THSD7B: variants seen among roughly 807,000 people sequenced by gnomAD.
THSD7B encodes the protein thrombospondin type 1 domain containing 7B.
In THSD7B, 138 loss-of-function variants were observed where a neutral mutation model predicts 213.6. The ratio of observed to expected loss-of-function variants is 0.65; its 90% CI spans 0.56 to 0.74. The LOEUF is 0.74. Ranked by LOEUF, THSD7B falls within the 30% of genes least tolerant of loss-of-function variation. The pLI is 0.00. For synonymous variants in THSD7B, 742 were observed against 687.0 expected (o/e 1.08, Z -1.25); for missense variants, 1,931 against 1,991.5 (o/e 0.97, Z 0.58).
chr2:137,096,276 GA>G (rs544965578), intron 4 of THSD7B, among the ~76,000 whole-genome samples: 1 of 152,034 alleles, frequency 6.6e-6, no homozygotes, highest in Non-Finnish European at 1.5e-5. Flanking sequence ...AATAAAGTAA[GA>G]AAAAAATAGT....
intron 1 of THSD7B, among the ~76,000 whole-genome samples, chr2:136,873,650 G>C (rs1453949716): frequency 6.6e-6 from 1 of 152,170 alleles, no homozygotes; most frequent in African/African-American, 2.4e-5. Flanking sequence ...CATTCAAACT[G>C]TTCCTTAAAT....
intron 3 of THSD7B, among the ~76,000 whole-genome samples, chr2:137,074,450 C>T (rs1442635149): frequency 6.6e-6 from 1 of 152,136 alleles, no homozygotes; most frequent in East Asian, 1.9e-4. Context: ...AGATCTTCCT[C>T]CATCCCTTTA....
intron 5 of THSD7B, among the ~76,000 whole-genome samples, chr2:137,155,493 A>G (rs1679894572): frequency 6.6e-6 from 1 of 152,196 alleles, no homozygotes; most frequent in African/African-American, 2.4e-5. Flanking sequence ...CTTACTACAA[A>G]CATCGTGGCT....
intron 16 of THSD7B, among the ~76,000 whole-genome samples, chr2:137,563,755 A>G (rs1317134894): frequency 6.6e-6 from 1 of 152,212 alleles, no homozygotes; most frequent in African/African-American, 2.4e-5. Context: ...ATAATTAAAA[A>G]GGTTAATTTA....
At chr2:137,580,208 T>TA (rs1488421478) in intron 17 of THSD7B, among the ~76,000 whole-genome samples, 1 of 152,132 alleles carries the variant, frequency 6.6e-6, no homozygotes, top group Non-Finnish European at 1.5e-5. Flanking sequence ...CTAGATATGT[T>TA]AAAAAAATAT....
At chr2:137,587,197 A>G (rs1163787592) in intron 17 of THSD7B, among the ~76,000 whole-genome samples, 1 of 152,092 alleles carries the variant, frequency 6.6e-6, no homozygotes, top group East Asian at 1.9e-4. Flanking sequence ...CAGGTCCTTT[A>G]AGGACTTCTC....
chr2:137,376,198 A>G (rs906964442), intron 12 of THSD7B, among the ~76,000 whole-genome samples: 5 of 152,224 alleles, frequency 3.3e-5, no homozygotes, highest in South Asian at 2.1e-4. Context: ...GAATGATTAT[A>G]TGACACAAAG....
At chr2:136,943,109 C>G (rs1447090963) in intron 2 of THSD7B, among the ~76,000 whole-genome samples, 1 of 151,906 alleles carries the variant, frequency 6.6e-6, no homozygotes, top group Non-Finnish European at 1.5e-5. Flanking sequence ...CTGAGATAAT[C>G]AGGCCTTTTC....
chr2:137,622,154 T>G (rs1232889034), intron 20 of THSD7B, among the ~76,000 whole-genome samples: 1 of 152,128 alleles, frequency 6.6e-6, no homozygotes, highest in African/African-American at 2.4e-5. Flanking sequence ...TAATCTCAGT[T>G]TTGCTGGGAA....
At chr2:136,966,039 C>A (rs912912848) in intron 2 of THSD7B, among the ~76,000 whole-genome samples, 2 of 152,114 alleles carry the variant, frequency 1.3e-5, no homozygotes, top group Non-Finnish European at 2.9e-5. Flanking sequence ...GATTAATCAA[C>A]TTCTGTCTCA....
At chr2:137,598,122 A>G (rs1681998484) in intron 17 of THSD7B, among the ~76,000 whole-genome samples, 1 of 151,934 alleles carries the variant, frequency 6.6e-6, no homozygotes, top group South Asian at 2.1e-4. Context: ...TCTCCATGCT[A>G]TGCACATATG....
At chr2:136,806,206 A>T (rs746974935) in intron 1 of THSD7B, among the ~76,000 whole-genome samples, 1 of 152,320 alleles carries the variant, frequency 6.6e-6, no homozygotes, top group Middle Eastern at 3.4e-3. Flanking sequence ...TTTTCAGCCC[A>T]TGACATTTTA....
At chr2:137,050,607 T>C (rs1261733254) in intron 2 of THSD7B, among the ~76,000 whole-genome samples, 4 of 152,240 alleles carry the variant, frequency 2.6e-5, no homozygotes, top group Non-Finnish European at 5.9e-5. Context: ...TATGGAATCA[T>C]GAACTACCTT....
chr2:137,370,988 A>G (rs373201365), intron 12 of THSD7B, among the ~76,000 whole-genome samples: 4 of 151,900 alleles, frequency 2.6e-5, no homozygotes, highest in African/African-American at 7.3e-5. Flanking sequence ...ATTATTTTCT[A>G]TATACTTTTT....
At chr2:137,468,222 A>G (rs3943484) in intron 15 of THSD7B, among the ~76,000 whole-genome samples, 125,874 of 152,062 alleles carry the variant, frequency 0.83, 55,519 homozygotes, top group Non-Finnish European at 0.98. Flanking sequence ...ATGAAAAGAA[A>G]TCCCAGTGAA....
intron 16 of THSD7B, among the ~76,000 whole-genome samples, chr2:137,565,742 A>T (rs1016183790): frequency 3.9e-5 from 6 of 152,118 alleles, no homozygotes; most frequent in African/African-American, 1.4e-4. Context: ...CATCACATGG[A>T]GAGAAGGCAA....
intron 2 of THSD7B, among the ~76,000 whole-genome samples, chr2:137,054,709 C>G (rs1240614431): frequency 6.6e-6 from 1 of 151,834 alleles, no homozygotes; most frequent in Admixed American, 6.6e-5. Context: ...TCTGAAGTGC[C>G]TTATGATCAT....
intron 25 of THSD7B, among the ~76,000 whole-genome samples, chr2:137,662,061 TC>T (rs1683354928): frequency 2.0e-5 from 3 of 146,726 alleles, no homozygotes; most frequent in African/African-American, 7.7e-5. Context: ...TTTTCTTTTT[TC>T]TTTTTTTTTT....
intron 15 of THSD7B, among the ~76,000 whole-genome samples, chr2:137,481,579 T>C (rs923635750): frequency 6.6e-6 from 1 of 152,230 alleles, no homozygotes; most frequent in Non-Finnish European, 1.5e-5. Context: ...CCCATGATCT[T>C]TGTAAGGATT....
Sources: gnomAD v4.1 joint callset for allele counts (sites outside exome capture counted in the v4.1 genomes callset) on GRCh38, gnomAD v4.1.1 for gene constraint, MANE v1.5 for transcripts, NCBI Gene and HGNC (gene_info 2026-07-23, HGNC 2026-07-21) for gene names.